The following ARHGAP22 variants were observed in gnomAD, a reference collection of about 807,000 sequenced individuals.
ARHGAP22 encodes the protein rho GTPase-activating protein 22.
A neutral mutation model predicts 59.1 loss-of-function variants in ARHGAP22; 48 were observed. The ratio of observed to expected loss-of-function variants is 0.81; its 90% CI spans 0.64 to 1.03. The LOEUF (loss-of-function observed/expected upper bound fraction) is 1.03, where lower values mean the gene tolerates loss of function less well. ARHGAP22 is among the 50% of genes least tolerant of loss of function. The probability of loss-of-function intolerance (pLI) is 0.00; values close to 1 mark genes in which losing one functional copy is unlikely to be tolerated. For missense variants in ARHGAP22, 1,015 were observed against 958.7 expected (o/e 1.06, Z -0.78); for synonymous variants, 445 against 416.4 (o/e 1.07, Z -0.84).
rs191158890 is a variant in ARHGAP22 at position 48,594,821 on chromosome 10, C to T, written c.34+9942G>A. ...CAGTTGGGGGCTCAGGCTGAGACCTCCCTTTCCTGTTACATCTGAAAGGGT... is the reference window on the plus strand; with the variant it reads ...CAGTTGGGGGCTCAGGCTGAGACCTTCCTTTCCTGTTACATCTGAAAGGGT... On this transcript the variant is annotated intron_variant, in intron 1 of 9. Transcript: ENST00000249601. Among the ~76,000 whole-genome samples, 322 of 152,212 alleles carry T rather than the reference C, an allele frequency of 2.1e-3. 2 individuals are homozygous for T. Among genetic ancestry groups the T allele is most frequent in the African/African-American group, 7.4e-3 (308 of 41,520 alleles).
At chr10:48,585,622 C>T (rs1026408550) in intron 1 of ARHGAP22, among the ~76,000 whole-genome samples, 1 of 152,206 alleles carries the variant, frequency 6.6e-6, no homozygotes, top group African/African-American at 2.4e-5. Flanking sequence ...TCACAGGAGG[C>T]CTCATCTCTT....
chr10:48,652,799 G>C (rs1312632627), upstream of ARHGAP22, among the ~76,000 whole-genome samples: 4 of 152,138 alleles, frequency 2.6e-5, no homozygotes, highest in African/African-American at 9.7e-5. Context: ...TTGTCTGGTG[G>C]GCACAGCAGT....
At position 48,515,347 on chromosome 10, in the gene ARHGAP22, A is replaced by G. The variant is rs79059759; in HGVS notation, c.323-35583T>C. 4.5e-3 allele frequency among the ~76,000 whole-genome samples: 693 copies of G among 152,348 alleles called. 6 individuals are homozygous for G. Among genetic ancestry groups the G allele is most frequent in the African/African-American group, 0.015 (627 of 41,588 alleles). ...AATGTTACTGGATACAAAGAGGATGAACATTTTATAATGATAAAAGGGTAG... is the reference window on the plus strand; with the variant it reads ...AATGTTACTGGATACAAAGAGGATGGACATTTTATAATGATAAAAGGGTAG... On this transcript the variant is annotated intron_variant, in intron 3 of 9. Transcript: ENST00000249601.
chr10:48,442,884 G>A (rs2045234964), downstream of ARHGAP22, among the ~76,000 whole-genome samples: 2 of 152,180 alleles, frequency 1.3e-5, no homozygotes, highest in South Asian at 2.1e-4. Flanking sequence ...TGGGATTTAT[G>A]AAACCATTGG....
intron 1 of ARHGAP22, among the ~76,000 whole-genome samples, chr10:48,616,151 C>A (rs1277430245): frequency 6.6e-6 from 1 of 152,020 alleles, no homozygotes; most frequent in African/African-American, 2.4e-5. Context: ...TGCCTATTTT[C>A]CAGTAGTATG....
chr10:48,475,393 G>T (rs2048616821), intron 4 of ARHGAP22, among the ~76,000 whole-genome samples: 1 of 152,080 alleles, frequency 6.6e-6, no homozygotes, highest in African/African-American at 2.4e-5. Context: ...CTCTAGCCCA[G>T]TCCTCTCTCC....
intron 3 of ARHGAP22, among the ~76,000 whole-genome samples, chr10:48,483,266 G>A (rs2049509550): frequency 1.3e-5 from 2 of 152,150 alleles, no homozygotes; most frequent in South Asian, 4.1e-4. Flanking sequence ...TATGCCAAGT[G>A]TTCCATTATT....
chr10:48,458,955 G>A (rs1418785992), intron 5 of ARHGAP22, among the ~76,000 whole-genome samples: 1 of 152,176 alleles, frequency 6.6e-6, no homozygotes, highest in Non-Finnish European at 1.5e-5. Context: ...GCCCTGGGAG[G>A]CCAGGGCTGC....
intron 2 of ARHGAP22, among the ~76,000 whole-genome samples, chr10:48,576,662 A>G (rs1376160907): frequency 1.3e-5 from 2 of 152,006 alleles, no homozygotes; most frequent in African/African-American, 4.8e-5. Context: ...TGAAGAATCA[A>G]GAGTTCTACA....
At chr10:48,519,894 G>A (rs1286586910) in intron 3 of ARHGAP22, among the ~76,000 whole-genome samples, 4 of 152,202 alleles carry the variant, frequency 2.6e-5, no homozygotes, top group Non-Finnish European at 5.9e-5. Flanking sequence ...GTTTGAGGAG[G>A]ATCATAGTGT....
At chr10:48,446,888 G>A (rs547383745) in intron 9 of ARHGAP22, among the ~76,000 whole-genome samples, 13 of 152,184 alleles carry the variant, frequency 8.5e-5, no homozygotes, top group Admixed American at 2.0e-4. Context: ...CCCTGGGTCC[G>A]CATTTGCCCC....
At chr10:48,546,770 T>C (rs2056475552) in intron 3 of ARHGAP22, 1 of 152,558 alleles carries the variant, frequency 6.6e-6, no homozygotes, top group Admixed American at 6.5e-5. Context: ...AGAGCACTCA[T>C]CACACAGCAT....
At position 48,446,344 on chromosome 10, in the gene ARHGAP22, G is replaced by C. The variant is rs1335498582; in HGVS notation, c.*47C>G. 6.3e-7 allele frequency: 1 copy of C among 1,599,632 alleles called. No homozygotes were observed. The highest frequency in any genetic ancestry group is 8.6e-7 in the Non-Finnish European group (1 of 1,168,580). ...ACAGACGCTTCTAACTCCATACAAG[G>C]CTGGAGACCAGCAGACGTGGTACAG... is the stretch of plus-strand genomic sequence containing the variant. On this transcript the variant is annotated 3_prime_UTR_variant, in exon 10 of 10. Transcript: ENST00000249601.
At chr10:48,600,814 G>A (rs1378935030) in intron 1 of ARHGAP22, among the ~76,000 whole-genome samples, 2 of 152,158 alleles carry the variant, frequency 1.3e-5, no homozygotes, top group Non-Finnish European at 2.9e-5. Context: ...CTGCTGTCAC[G>A]GAAGGTTATC....
chr10:48,452,958 A>C (rs1033500010), intron 8 of ARHGAP22, among the ~76,000 whole-genome samples: 1 of 152,246 alleles, frequency 6.6e-6, no homozygotes, highest in African/African-American at 2.4e-5. Flanking sequence ...TAATTGTAAA[A>C]GAAAAGCAAA....
At chr10:48,545,831 G>A (rs565417029) in intron 3 of ARHGAP22, among the ~76,000 whole-genome samples, 103 of 152,286 alleles carry the variant, frequency 6.8e-4, no homozygotes, top group African/African-American at 2.1e-3. Flanking sequence ...GCCATAAGAC[G>A]GGCAGGAACT....
chr10:48,451,321 G>A, intron 8 of ARHGAP22, 181 bp from the exon 9 acceptor site: 1 of 861,310 alleles, frequency 1.2e-6, no homozygotes, highest in South Asian at 1.4e-5. Flanking sequence ...ACTCCAGGCA[G>A]GACAGCAGGA....
chr10:48,650,186 A>T (rs1411839254), intron 1 of ARHGAP22, among the ~76,000 whole-genome samples: 1 of 149,246 alleles, frequency 6.7e-6, no homozygotes, highest in Admixed American at 6.7e-5. Context: ...CTTTCACGAA[A>T]TGGCATTGCC....
At chr10:48,458,735 C>T (rs975203392) in intron 5 of ARHGAP22, among the ~76,000 whole-genome samples, 8 of 152,278 alleles carry the variant, frequency 5.3e-5, no homozygotes, top group South Asian at 4.1e-4. Flanking sequence ...TCAGAATGGA[C>T]GACAAGCTCA....
Sources: allele counts gnomAD v4.1 joint callset (sites outside exome capture counted in the v4.1 genomes callset), GRCh38; gene constraint gnomAD v4.1.1; transcripts MANE v1.5; gene names NCBI Gene and HGNC (gene_info 2026-07-23, HGNC 2026-07-21).